The following NONO variants were observed in gnomAD, a reference collection of about 807,000 sequenced individuals.
NONO encodes the protein non-POU domain-containing octamer-binding protein.
NONO carries 6 observed loss-of-function variants against 40.2 expected under a neutral mutation model. The ratio of observed to expected loss-of-function variants is 0.15; its 90% CI spans 0.08 to 0.29. NONO has a LOEUF of 0.29. Ranked by LOEUF, NONO falls within the 10% of genes least tolerant of loss-of-function variation. NONO has a pLI of 1.00. For synonymous variants in NONO, 89 were observed against 123.3 expected (o/e 0.72, Z 1.85); for missense variants, 133 against 397.8 (o/e 0.33, Z 5.66).
At position 71,290,941 on chromosome X, in the gene NONO, G is replaced by C. The variant is rs5980751; in HGVS notation, c.154+150G>C. The stretch of plus-strand genomic sequence containing the variant: ...TCTTTACCTCTTAATACTTACGATG[G>C]AAAAGGCTGATTCTCCGGAACCAAG... On this transcript the variant is annotated intron_variant, in intron 3 of 11. Transcript: ENST00000276079. 4.6e-3 allele frequency: 3,032 copies of C among 660,145 alleles called. 68 individuals are homozygous for C. In the African/African-American group the frequency reaches 0.059, roughly 13 times the overall value. The allele number at this position is 660,145 out of a possible 1,213,427, so 54.4% of individuals were successfully genotyped here.
intron 4 of NONO, 108 bp from the exon 5 acceptor site, chrX:71,294,119 T>G (rs1375378387): frequency 1.7e-5 from 13 of 776,465 alleles, no homozygotes; most frequent in South Asian, 2.6e-5. Flanking sequence ...TTTGTATGGT[T>G]GTTTAGTTTT....
In NONO at chrX:71,297,066, G is replaced by T. The variant is rs377025117; in HGVS notation, c.943+19G>T. The T allele has an allele frequency of 5.3e-6, 6 of 1,139,630 alleles. No individual in the cohort carries two copies. In the South Asian group the frequency reaches 8.1e-5, roughly 15 times the overall value. The allele number at this position is 1,139,630 out of a possible 1,213,427, so 93.9% of individuals were successfully genotyped here. A position where few individuals can be genotyped will look rare whatever the true frequency, so the allele number is the denominator to read the frequency against. On this transcript the variant is annotated intron_variant, in intron 7 of 11. Transcript: ENST00000276079. ...AGACAGGGTGAGTCTAGGCCTGTAA[G>T]TCTTAAAGCTGAAAGGACAAAATGA...
chrX:71,294,135 G>T, intron 4 of NONO, 92 bp from the exon 5 acceptor site: 1 of 873,264 alleles, frequency 1.1e-6, no homozygotes, highest in Non-Finnish European at 1.6e-6. Flanking sequence ...GTTTTTCCGG[G>T]GAGATATTGA....
intron 2 of NONO, 76 bp downstream of exon 2, chrX:71,284,529 C>T (rs769386768): frequency 9.0e-6 from 1 of 111,572 alleles, no homozygotes; most frequent in South Asian, 3.7e-4. Flanking sequence ...ACCTACACAA[C>T]CAATTATTTT....
intron 2 of NONO, among the ~76,000 whole-genome samples, chrX:71,290,022 C>T (rs934784753): frequency 9.0e-6 from 1 of 111,186 alleles, no homozygotes. Context: ...CCACCTTGGC[C>T]TCCCAAAGTG....
At position 71,301,028 on chromosome X, in the gene NONO, G is replaced by A. The variant is rs1419198433; in HGVS notation, c.*952G>A. ...AGGTCTGACAGTAGCTCTTAGACTC[G>A]CCTATCTTAGGTAGTCATGCTGTGC... On this transcript the variant is annotated 3_prime_UTR_variant, in exon 12 of 12. Transcript: ENST00000276079. 1.3e-5 allele frequency: 2 copies of A among 152,559 alleles called. No homozygotes were observed. Among genetic ancestry groups the A allele is most frequent in the Admixed American group, 8.6e-5 (1 of 11,586 alleles). The allele number at this position is 152,559 out of a possible 1,213,427, so 12.6% of individuals were successfully genotyped here.
chrX:71,297,265 AG>A, intron 7 of NONO, 111 bp from the exon 8 acceptor site: 1 of 777,900 alleles, frequency 1.3e-6, no homozygotes, highest in Non-Finnish European at 1.9e-6. Context: ...TGGACACCAC[AG>A]GTGGTTCCAA....
At chrX:71,287,725 C>T (rs2031222490) in intron 2 of NONO, among the ~76,000 whole-genome samples, 1 of 109,457 alleles carries the variant, frequency 9.1e-6, no homozygotes, top group Admixed American at 9.8e-5. Context: ...CATTCTGTTG[C>T]CTAGGCTGGA....
intron 9 of NONO, 179 bp from the exon 10 acceptor site, chrX:71,298,290 C>T: frequency 2.1e-6 from 1 of 482,169 alleles, no homozygotes; most frequent in Admixed American, 3.3e-5. Context: ...GGCTTACGTC[C>T]TAGTAGCTCT....
Position 71,301,104 on chromosome X carries a change from G to A in NONO, c.*1028G>A, listed in dbSNP as rs767462796. 7.1e-6 allele frequency: 1 copy of A among 141,485 alleles called. No individual in the cohort carries two copies. The highest frequency in any genetic ancestry group is 1.1e-4 in the East Asian group (1 of 8,847). The allele number at this position is 141,485 out of a possible 1,213,427, so 11.7% of individuals were successfully genotyped here. ...GTTTGATTTGTCTCATATATTTGGA[G>A]TTTTTCTGAAAAATGGAGCAGTAAT... On this transcript the variant is annotated 3_prime_UTR_variant, in exon 12 of 12. Coordinates refer to ENST00000276079, the MANE Select transcript of NONO (RefSeq NM_007363.5).
chrX:71,294,192 A>G, intron 4 of NONO, 35 bp from the exon 5 acceptor site: 3 of 1,193,883 alleles, frequency 2.5e-6, no homozygotes. Flanking sequence ...GTTCTTTGTC[A>G]AACTGAGTTA....
At position 71,294,616 on chromosome X, in the gene NONO, A is replaced by G. The variant is rs958069399; in HGVS notation, c.650+88A>G. The G allele has an allele frequency of 9.7e-6, 9 of 929,910 alleles. No homozygotes were observed. In the East Asian group the frequency reaches 2.7e-4, roughly 28 times the overall value. The allele number at this position is 929,910 out of a possible 1,213,427, so 76.6% of individuals were successfully genotyped here. On this transcript the variant is annotated intron_variant, in intron 5 of 11. Coordinates refer to ENST00000276079, the MANE Select transcript of NONO (RefSeq NM_007363.5). ...GTTAGCCTCTAGTAACCACTTTTCT[A>G]TGTTTAAAGACTTTTGGTCAGCCTG... is the stretch of plus-strand genomic sequence containing the variant.
At chrX:71,288,119 C>CTTTTTTTTTTTTTT (rs41517053) in intron 2 of NONO, among the ~76,000 whole-genome samples, 15 of 53,855 alleles carry the variant, frequency 2.8e-4, no homozygotes, top group Non-Finnish European at 3.8e-4. Flanking sequence ...TTATTTTTAT[C>CTTTTTTTTTTTTTT]TTTTTTTTTT....
At chrX:71,285,896 G>T (rs1488557869) in intron 2 of NONO, among the ~76,000 whole-genome samples, 1 of 111,603 alleles carries the variant, frequency 9.0e-6, no homozygotes, top group African/African-American at 3.3e-5. Context: ...GTCCGTTAAC[G>T]TAAAAGATTT....
In NONO at chrX:71,297,367, G is replaced by GT. The variant is rs776424605; in HGVS notation, c.944-3dup. 4 of 1,164,184 alleles carry GT rather than the reference G, an allele frequency of 3.4e-6. 1 individual carries two copies. The African/African-American group carries it at 5.4e-5, about 16-fold the overall frequency. ...CAATGAGGAATATTCTTAGTCTGTT[G>GT]TTTTTTTAGATTTGATGAGGCGCCA... is the stretch of plus-strand genomic sequence containing the variant. On this transcript the variant is annotated splice_polypyrimidine_tract_variant and intron_variant, in intron 7 of 11. Transcript: ENST00000276079.
Position 71,301,010 on chromosome X carries a change from A to G in NONO, c.*934A>G, listed in dbSNP as rs1186041186. 4 of 155,136 alleles carry G rather than the reference A, an allele frequency of 2.6e-5. No homozygotes were observed. Among genetic ancestry groups the G allele is most frequent in the African/African-American group, 1.2e-4 (4 of 32,553 alleles). 12.8% of individuals were successfully genotyped at this position (155,136 alleles called of 1,213,427 possible). ...AGGGTTACTGTATACTGAAGGTCTG[A>G]CAGTAGCTCTTAGACTCGCCTATCT... On this transcript the variant is annotated 3_prime_UTR_variant, in exon 12 of 12. Coordinates refer to ENST00000276079, the MANE Select transcript of NONO (RefSeq NM_007363.5).
chrX:71,294,468 G>A lies in NONO; in HGVS notation c.590G>A (p.Gly197Glu). The A allele has an allele frequency of 8.3e-7, 1 of 1,211,853 alleles. No homozygotes were observed. Among genetic ancestry groups the A allele is most frequent in the Non-Finnish European group, 1.1e-6 (1 of 895,441 alleles). Residue 197 changes from glycine to glutamate, a missense_variant, in exon 5 of 12, where the codon GGG (glycine) becomes GAG (glutamate). By Grantham distance (98) the Gly-to-Glu change is moderately conservative. Transcript: ENST00000276079. ...PSGKGIVEFS[G>E]KPAARKALDR... ...GGAAAAGGCATTGTTGAGTTCTCAG[G>A]GAAGCCAGCTGCTCGGAAAGCTCTG...
At chrX:71,287,580 A>G (rs1434317882) in intron 2 of NONO, among the ~76,000 whole-genome samples, 2 of 110,541 alleles carry the variant, frequency 1.8e-5, no homozygotes, top group Non-Finnish European at 3.8e-5. Context: ...GGGTTTCACC[A>G]TGTTGGCCAG....
chrX:71,297,181 T>C, intron 7 of NONO, 134 bp downstream of exon 7: 2 of 695,674 alleles, frequency 2.9e-6, no homozygotes, highest in Non-Finnish European at 4.2e-6. Flanking sequence ...GGTAGATAAA[T>C]AGGCTTGGAG....
Sources: gnomAD v4.1 joint callset for allele counts (sites outside exome capture counted in the v4.1 genomes callset) on GRCh38, gnomAD v4.1.1 for gene constraint, MANE v1.5 for transcripts, NCBI Gene and HGNC (gene_info 2026-07-23, HGNC 2026-07-21) for gene names.